The following SAMTOR variants were observed in gnomAD, a reference collection of about 807,000 sequenced individuals.
SAMTOR encodes the protein S-adenosylmethionine sensor upstream of mTORC1.
the SAMTOR span, chr7:112,832,550 A>G: frequency 1.4e-6 from 2 of 1,464,772 alleles, no homozygotes; most frequent in African/African-American, 2.8e-5. Context: ...CAAAAACAAA[A>G]CTATGCATAC....
chr7:112,826,621 TTTCA>T, the SAMTOR span, among the ~76,000 whole-genome samples: 1 of 152,098 alleles, frequency 6.6e-6, no homozygotes, highest in Non-Finnish European at 1.5e-5. Context: ...AAGTTTTCTA[TTTCA>T]TTTGATTTCT....
chr7:112,938,044 G>A, the SAMTOR span, among the ~76,000 whole-genome samples: 2 of 152,030 alleles, frequency 1.3e-5, no homozygotes, highest in African/African-American at 2.4e-5. Context: ...TTAGAAAGAT[G>A]CACTTAAATT....
the SAMTOR span, among the ~76,000 whole-genome samples, chr7:112,864,471 G>A: frequency 9.2e-5 from 14 of 152,172 alleles, no homozygotes; most frequent in South Asian, 2.9e-3. Flanking sequence ...AATTCTATTT[G>A]TATTCAACCT....
At chr7:112,936,152 G>A in the SAMTOR span, among the ~76,000 whole-genome samples, 12 of 152,018 alleles carry the variant, frequency 7.9e-5, no homozygotes, top group African/African-American at 2.9e-4. Flanking sequence ...TATAAATATG[G>A]ATCTATTCAC....
the SAMTOR span, among the ~76,000 whole-genome samples, chr7:112,854,524 A>AC: frequency 6.6e-6 from 1 of 152,202 alleles, no homozygotes; most frequent in Non-Finnish European, 1.5e-5. Context: ...TATCTGAAAA[A>AC]AGTTTTTCTC....
chr7:112,862,188 G>C, the SAMTOR span, among the ~76,000 whole-genome samples: 1 of 152,192 alleles, frequency 6.6e-6, no homozygotes, highest in South Asian at 2.1e-4. Context: ...CCAGCAGGTG[G>C]AGGTTGTGGT....
At chr7:112,878,464 C>T in the SAMTOR span, among the ~76,000 whole-genome samples, 1 of 152,292 alleles carries the variant, frequency 6.6e-6, no homozygotes, top group Non-Finnish European at 1.5e-5. Flanking sequence ...TAGGGATCCA[C>T]AGAGCACACT....
chr7:112,860,755 C>CA, the SAMTOR span, among the ~76,000 whole-genome samples: 1 of 151,246 alleles, frequency 6.6e-6, no homozygotes, highest in Non-Finnish European at 1.5e-5. Flanking sequence ...TAAAAAAATA[C>CA]AAAAAAATTA....
the SAMTOR span, among the ~76,000 whole-genome samples, chr7:112,861,186 A>C: frequency 6.6e-6 from 1 of 152,180 alleles, no homozygotes; most frequent in South Asian, 2.1e-4. Context: ...TATTTATAGC[A>C]CAAATAACTT....
the SAMTOR span, chr7:112,820,455 TTAATG>T: frequency 6.6e-6 from 1 of 152,396 alleles, no homozygotes; most frequent in East Asian, 1.9e-4. Flanking sequence ...TGAGGTAATT[TTAATG>T]TAATAACCAC....
chr7:112,917,478 T>C, the SAMTOR span, among the ~76,000 whole-genome samples: 1 of 151,890 alleles, frequency 6.6e-6, no homozygotes, highest in Admixed American at 6.6e-5. Context: ...CAAAAGTAGA[T>C]AAAACCACAA....
chr7:112,821,731 T>A, the SAMTOR span: 5 of 1,567,954 alleles, frequency 3.2e-6, no homozygotes, highest in Admixed American at 9.9e-5. Flanking sequence ...GAAAGGGGCT[T>A]TTTGCTTCTA....
At chr7:112,904,679 A>G in the SAMTOR span, among the ~76,000 whole-genome samples, 1 of 152,192 alleles carries the variant, frequency 6.6e-6, no homozygotes, top group South Asian at 2.1e-4. Context: ...AACTTGTGCA[A>G]CTTTTTTCTA....
At chr7:112,896,245 A>C in the SAMTOR span, among the ~76,000 whole-genome samples, 1 of 152,270 alleles carries the variant, frequency 6.6e-6, no homozygotes, top group South Asian at 2.1e-4. Flanking sequence ...ATATATGTGT[A>C]TATATGTATA....
the SAMTOR span, among the ~76,000 whole-genome samples, chr7:112,929,230 C>CA: frequency 7.7e-6 from 1 of 130,496 alleles, no homozygotes; most frequent in African/African-American, 3.7e-5. Flanking sequence ...AAAAAAACCT[C>CA]AAACTGAATA....
At chr7:112,914,778 TAAAAC>T in the SAMTOR span, among the ~76,000 whole-genome samples, 255 of 152,282 alleles carry the variant, frequency 1.7e-3, no homozygotes, top group African/African-American at 5.8e-3. Flanking sequence ...TTTTAAAAGT[TAAAAC>T]AAAACAAGTG....
chr7:112,866,292 A>G, the SAMTOR span, among the ~76,000 whole-genome samples: 1 of 152,222 alleles, frequency 6.6e-6, no homozygotes, highest in Non-Finnish European at 1.5e-5. Context: ...AAAACAAAGA[A>G]TAAGATTTGA....
chr7:112,874,889 A>T, the SAMTOR span, among the ~76,000 whole-genome samples: 1 of 152,160 alleles, frequency 6.6e-6, no homozygotes, highest in Non-Finnish European at 1.5e-5. Context: ...TATGTAAAAA[A>T]GCTGTGAGCT....
chr7:112,851,761 T>A, the SAMTOR span, among the ~76,000 whole-genome samples: 1,616 of 152,152 alleles, frequency 0.011, 27 homozygotes, highest in African/African-American at 0.037. Context: ...GCATCCTACA[T>A]AGGGCTAATA....
Sources: allele counts gnomAD v4.1 joint callset (sites outside exome capture counted in the v4.1 genomes callset), GRCh38; gene constraint gnomAD v4.1.1; transcripts MANE v1.5; gene names NCBI Gene and HGNC (gene_info 2026-07-23, HGNC 2026-07-21).